Variants in FREM3 observed in about 807,000 individuals in gnomAD.
FREM3 encodes FRAS1-related extracellular matrix protein 3.
Under a neutral mutation model 129.1 loss-of-function variants are expected in FREM3, and 105 were observed. That is an observed-to-expected ratio of 0.81 (90% CI 0.69 to 0.96). FREM3 has a LOEUF of 0.96. Ranked by LOEUF, FREM3 falls within the 40% of genes least tolerant of loss-of-function variation. The pLI, the probability that FREM3 is intolerant of heterozygous loss-of-function variation, is 0.00. For missense variants in FREM3, 2,593 were observed against 2,666.3 expected (o/e 0.97, Z 0.61); for synonymous variants, 1,014 against 1,044.9 (o/e 0.97, Z 0.57).
intron 6 of FREM3, among the ~76,000 whole-genome samples, chr4:143,588,533 G>A (rs529946214): frequency 5.3e-5 from 8 of 152,118 alleles, no homozygotes; most frequent in Non-Finnish European, 1.0e-4. Context: ...TGAGAATGAT[G>A]GTTTCCAGCT....
At chr4:143,631,122 C>G (rs1401607753) in intron 2 of FREM3, among the ~76,000 whole-genome samples, 1 of 152,084 alleles carries the variant, frequency 6.6e-6, no homozygotes, top group Non-Finnish European at 1.5e-5. Context: ...TGGTCATATC[C>G]TACAAATTGA....
At chr4:143,590,168 T>A (rs1738330886) in intron 6 of FREM3, among the ~76,000 whole-genome samples, 1 of 152,120 alleles carries the variant, frequency 6.6e-6, no homozygotes, top group African/African-American at 2.4e-5. Context: ...AGATATACAA[T>A]CATGTCATCT....
Position 143,696,810 on chromosome 4 carries a change from T to A in FREM3, c.3866A>T (p.His1289Leu). ...AATGGGTACCTTCCTGTGGGTTGTG[T>A]GCTTGCCGTCACTCAGCCAGACCTC... is the stretch of plus-strand genomic sequence containing the variant. ...SFEVWLSDGK[H>L]TTHRKVPIVV... The change falls in exon 1 of 8, where the codon CAC becomes CTC. Residue 1289 changes from histidine to leucine, a missense_variant. Transcript: ENST00000329798. 6.5e-7 allele frequency: 1 copy of A among 1,537,844 alleles called. No homozygotes were observed. Among genetic ancestry groups the A allele is most frequent in the Non-Finnish European group, 8.7e-7 (1 of 1,147,030 alleles).
intron 2 of FREM3, among the ~76,000 whole-genome samples, chr4:143,664,085 C>T (rs1453966336): frequency 6.6e-6 from 1 of 152,162 alleles, no homozygotes; most frequent in Non-Finnish European, 1.5e-5. Context: ...TCTCTCAACT[C>T]ATCAAAGTCA....
intron 2 of FREM3, among the ~76,000 whole-genome samples, chr4:143,646,135 CA>C (rs891534034): frequency 3.3e-5 from 5 of 151,376 alleles, no homozygotes; most frequent in Non-Finnish European, 1.5e-5. Context: ...ATAATAATAA[CA>C]AAAAAAAGAA....
chr4:143,700,416 A>G lies in FREM3; in HGVS notation c.260T>C (p.Ile87Thr), dbSNP rs994278059. 7.2e-6 allele frequency: 11 copies of G among 1,532,808 alleles called. No homozygotes were observed. In the African/African-American group the frequency reaches 8.2e-5, roughly 11 times the overall value. The allele number at this position is 1,532,808 out of a possible 1,614,324, so 95.0% of individuals were successfully genotyped here. ...GCACCGGTCCCCCGGCTGCACTCCA[A>G]TCACCAGATCCCGGAGCGGGTCGAG... ...LWLDPLRDLVIGVQPGDRCEV... is the reference protein window; with the variant it reads ...LWLDPLRDLVTGVQPGDRCEV... Residue 87 changes from isoleucine (I) to threonine (T), a missense_variant, in exon 1 of 8, where the codon ATT (isoleucine) becomes ACT (threonine). By Grantham distance (89) the Ile-to-Thr change is moderately conservative. This residue lies in a region of FREM3 where 2,276 missense variants were observed against 2,267.2 expected (regional missense o/e 1.00). Transcript: ENST00000329798.
At chr4:143,613,988 A>AT (rs987024276) in intron 5 of FREM3, among the ~76,000 whole-genome samples, 3 of 151,788 alleles carry the variant, frequency 2.0e-5, no homozygotes, top group East Asian at 1.9e-4. Flanking sequence ...TTTCTGTTTA[A>AT]TTTTTTTTTA....
At chr4:143,671,010 C>T (rs1739955259) in intron 2 of FREM3, among the ~76,000 whole-genome samples, 1 of 152,092 alleles carries the variant, frequency 6.6e-6, no homozygotes, top group African/African-American at 2.4e-5. Context: ...TGTTCTGGCT[C>T]ATAAACGCCA....
intron 6 of FREM3, among the ~76,000 whole-genome samples, chr4:143,590,434 G>A (rs1219425800): frequency 6.6e-6 from 1 of 152,182 alleles, no homozygotes; most frequent in East Asian, 1.9e-4. Flanking sequence ...TTTATTGAGA[G>A]TTTTTAGCAT....
At chr4:143,664,724 G>T (rs1159811928) in intron 2 of FREM3, among the ~76,000 whole-genome samples, 3 of 152,170 alleles carry the variant, frequency 2.0e-5, no homozygotes, top group Admixed American at 2.0e-4. Flanking sequence ...GCCTCCTTGA[G>T]CTGTGGTGGG....
intron 2 of FREM3, among the ~76,000 whole-genome samples, chr4:143,684,902 A>G (rs941154963): frequency 1.3e-5 from 2 of 152,210 alleles, no homozygotes; most frequent in African/African-American, 4.8e-5. Context: ...AAGTAGAAGA[A>G]AGAAATTTCT....
rs1740558932 is a variant in FREM3 at position 143,695,941 on chromosome 4, C to T, written c.4735G>A (p.Val1579Ile). The change falls in exon 1 of 8, where the codon GTC becomes ATC. Residue 1579 changes from valine (V) to isoleucine (I), a missense_variant. This residue lies in a region of FREM3 where 2,276 missense variants were observed against 2,267.2 expected (regional missense o/e 1.00). Transcript: ENST00000329798. The stretch of plus-strand genomic sequence containing the variant: ...TACAAAATCTTGCCATGCATGGGGA[C>T]CTGGGTGATGGTAAAGAGAATAAGG... Reference protein sequence around the residue: ...DDLILFTITQVPMHGKILYNG... With the variant: ...DDLILFTITQIPMHGKILYNG... 1 of 1,537,718 alleles carries T rather than the reference C, an allele frequency of 6.5e-7. No homozygotes were observed. The highest frequency in any genetic ancestry group is 8.7e-7 in the Non-Finnish European group (1 of 1,147,038).
At chr4:143,641,222 T>C (rs1480596679) in intron 2 of FREM3, among the ~76,000 whole-genome samples, 1 of 152,104 alleles carries the variant, frequency 6.6e-6, no homozygotes, top group Non-Finnish European at 1.5e-5. Context: ...ATGTACACAG[T>C]GTACTCAAAG....
chr4:143,698,931 A>T lies in FREM3; in HGVS notation c.1745T>A (p.Val582Glu). The T allele has an allele frequency of 4.6e-6, 7 of 1,537,372 alleles. No individual in the cohort carries two copies. The South Asian group carries it at 7.1e-5, about 16-fold the overall frequency. Residue 582 changes from valine (V) to glutamate (E), a missense_variant, in exon 1 of 8, where the codon GTG becomes GAG. Physicochemically the swap from Val to Glu is moderately radical, Grantham distance 121. Around this residue, in one of 2 missense-constraint regions of FREM3, gnomAD observed 2,276 missense variants for 2,267.2 expected, o/e 1.00. Coordinates refer to ENST00000329798, the MANE Select transcript of FREM3 (RefSeq NM_001168235.2). ...IDSEDSTIHF[V>E]LENQPLKGNE... is the part of the protein sequence containing the mutation. ...TCCTTTTAGGGGCTGGTTCTCCAGC[A>T]CAAAGTGGATGGTTGAGTCCTCAGA...
intron 2 of FREM3, among the ~76,000 whole-genome samples, chr4:143,656,411 AT>A (rs1379149873): frequency 6.6e-6 from 1 of 152,220 alleles, no homozygotes; most frequent in Non-Finnish European, 1.5e-5. Context: ...AAACATCCAA[AT>A]GTCTATCAAT....
rs1310572272 is a variant in FREM3 at position 143,697,562 on chromosome 4, G to A, written c.3114C>T (p.Ile1038=). Residue 1038 remains isoleucine, a synonymous_variant, in exon 1 of 8, where the codon ATC becomes ATT. Coordinates refer to ENST00000329798, the MANE Select transcript of FREM3 (RefSeq NM_001168235.2). ...CCCATTGGTAAGAATCTTTGGAGAGGATGAGGCTGAAGGCATCGTGCTGCT... is the reference window on the plus strand; with the variant it reads ...CCCATTGGTAAGAATCTTTGGAGAGAATGAGGCTGAAGGCATCGTGCTGCT... ...FQKQHDAFSL[I]LSKDSYQWVV... is the part of the protein sequence containing the mutation. 2 of 1,537,436 alleles carry A rather than the reference G, an allele frequency of 1.3e-6. No individual in the cohort carries two copies. The highest frequency in any genetic ancestry group is 1.7e-6 in the Non-Finnish European group (2 of 1,146,954).
intron 2 of FREM3, chr4:143,649,317 C>T (rs1459707150): frequency 6.6e-6 from 1 of 152,234 alleles, no homozygotes; most frequent in Non-Finnish European, 1.5e-5. Flanking sequence ...ATGCTCCACA[C>T]CTTATGTTCT....
At chr4:143,669,428 C>T (rs921067799) in intron 2 of FREM3, among the ~76,000 whole-genome samples, 3 of 152,076 alleles carry the variant, frequency 2.0e-5, no homozygotes, top group African/African-American at 4.8e-5. Flanking sequence ...AGGCGTGAAC[C>T]GCCACGCCTG....
At chr4:143,616,284 A>G (rs1212702758) in intron 5 of FREM3, among the ~76,000 whole-genome samples, 1 of 152,230 alleles carries the variant, frequency 6.6e-6, no homozygotes, top group African/African-American at 2.4e-5. Context: ...TTACGCCCAG[A>G]AAACCTTCAG....
Sources: allele counts gnomAD v4.1 joint callset (sites outside exome capture counted in the v4.1 genomes callset), GRCh38; gene constraint gnomAD v4.1.1; regional missense constraint gnomAD v4.1.1; transcripts MANE v1.5; gene names NCBI Gene and HGNC (gene_info 2026-07-23, HGNC 2026-07-21).